ARHGAP15: variants seen among roughly 807,000 people sequenced by gnomAD.
The protein encoded by ARHGAP15 is rho GTPase-activating protein 15.
Under a neutral mutation model 63.7 loss-of-function variants are expected in ARHGAP15, and 51 were observed. That is an observed-to-expected ratio of 0.80 (90% CI 0.64 to 1.01). The LOEUF is 1.01. Ranked by LOEUF, ARHGAP15 falls within the 50% of genes least tolerant of loss-of-function variation. ARHGAP15 has a pLI of 0.00. For synonymous variants in ARHGAP15, 191 were observed against 193.8 expected (o/e 0.99, Z 0.12); for missense variants, 560 against 564.6 (o/e 0.99, Z 0.08).
chr2:143,589,924 C>T (rs1172255411), intron 11 of ARHGAP15, among the ~76,000 whole-genome samples: 2 of 152,212 alleles, frequency 1.3e-5, no homozygotes, highest in Non-Finnish European at 2.9e-5. Context: ...CTTAACAACT[C>T]AGCAAGACCG....
At chr2:143,697,078 G>A (rs1261937479) in intron 12 of ARHGAP15, among the ~76,000 whole-genome samples, 2 of 152,050 alleles carry the variant, frequency 1.3e-5, no homozygotes, top group Non-Finnish European at 2.9e-5. Context: ...TCAAGGCGGT[G>A]GTTTTTCCTT....
At chr2:143,176,652 GAA>G (rs1364195996) in intron 2 of ARHGAP15, among the ~76,000 whole-genome samples, 12 of 152,040 alleles carry the variant, frequency 7.9e-5, no homozygotes, top group Non-Finnish European at 1.6e-4. Flanking sequence ...GTTTAGAAAA[GAA>G]AAAAGAGTAT....
chr2:143,558,475 A>G (rs1293951727), intron 11 of ARHGAP15, among the ~76,000 whole-genome samples: 1 of 152,168 alleles, frequency 6.6e-6, no homozygotes, highest in Non-Finnish European at 1.5e-5. Flanking sequence ...TATAAGACCC[A>G]TAGATTTAAT....
At chr2:143,695,315 A>G (rs1261929977) in intron 12 of ARHGAP15, among the ~76,000 whole-genome samples, 1 of 152,132 alleles carries the variant, frequency 6.6e-6, no homozygotes, top group Non-Finnish European at 1.5e-5. Context: ...AGGTTACAGA[A>G]ATGTACTTGG....
chr2:143,203,169 C>T (rs1475259859), intron 3 of ARHGAP15, among the ~76,000 whole-genome samples: 6 of 152,094 alleles, frequency 3.9e-5, no homozygotes, highest in African/African-American at 1.4e-4. Flanking sequence ...ATGTCCCATC[C>T]TTAGCACCAA....
chr2:143,530,294 T>C (rs949989441), intron 10 of ARHGAP15, among the ~76,000 whole-genome samples: 1 of 152,112 alleles, frequency 6.6e-6, no homozygotes, highest in Non-Finnish European at 1.5e-5. Context: ...TGTAGACCAG[T>C]ATGACATACC....
At chr2:143,591,448 A>G (rs1203761486) in intron 11 of ARHGAP15, among the ~76,000 whole-genome samples, 4 of 152,136 alleles carry the variant, frequency 2.6e-5, no homozygotes, top group African/African-American at 7.2e-5. Flanking sequence ...ACAGCCTTGA[A>G]TTGGTTAAAA....
chr2:143,537,784 TTGTAG>T (rs1483205266), intron 10 of ARHGAP15, among the ~76,000 whole-genome samples: 1 of 152,180 alleles, frequency 6.6e-6, no homozygotes, highest in Non-Finnish European at 1.5e-5. Context: ...TACTGTAGCC[TTGTAG>T]TGTAGTTTGA....
intron 12 of ARHGAP15, among the ~76,000 whole-genome samples, chr2:143,630,283 A>G (rs1437443470): frequency 6.6e-6 from 1 of 152,116 alleles, no homozygotes; most frequent in Non-Finnish European, 1.5e-5. Flanking sequence ...TCTATGATCA[A>G]TTGCTCAATA....
At chr2:143,235,642 A>G (rs1030171845) in intron 5 of ARHGAP15, among the ~76,000 whole-genome samples, 11 of 152,218 alleles carry the variant, frequency 7.2e-5, no homozygotes, top group African/African-American at 1.9e-4. Flanking sequence ...TAAAAGAGCC[A>G]GGCCTATTGT....
chr2:143,652,201 T>C (rs1254719442), intron 12 of ARHGAP15, among the ~76,000 whole-genome samples: 3 of 152,024 alleles, frequency 2.0e-5, no homozygotes, highest in African/African-American at 7.2e-5. Context: ...GGGTCAGCAA[T>C]TATATTTTTC....
intron 13 of ARHGAP15, among the ~76,000 whole-genome samples, chr2:143,744,775 T>C (rs1231919933): frequency 6.6e-6 from 1 of 152,206 alleles, no homozygotes; most frequent in African/African-American, 2.4e-5. Flanking sequence ...CTGTCTTCAA[T>C]ATCCACCTAC....
intron 11 of ARHGAP15, among the ~76,000 whole-genome samples, chr2:143,563,259 G>C (rs370856747): frequency 6.6e-6 from 1 of 152,204 alleles, no homozygotes; most frequent in East Asian, 1.9e-4. Flanking sequence ...AAGATGACAA[G>C]TAGATAGATG....
chr2:143,667,287 G>A (rs1395126968), intron 12 of ARHGAP15, among the ~76,000 whole-genome samples: 108 of 149,594 alleles, frequency 7.2e-4, no homozygotes, highest in African/African-American at 2.5e-3. Flanking sequence ...GGATGAAATT[G>A]GAAATCATCA....
chr2:143,595,155 G>T (rs763047584), intron 11 of ARHGAP15, among the ~76,000 whole-genome samples: 1 of 151,986 alleles, frequency 6.6e-6, no homozygotes, highest in African/African-American at 2.4e-5. Context: ...ATACTTATTC[G>T]AACATTGTTT....
chr2:143,376,461 G>A (rs1273807943), intron 6 of ARHGAP15, among the ~76,000 whole-genome samples: 7 of 152,092 alleles, frequency 4.6e-5, no homozygotes, highest in Admixed American at 6.6e-5. Context: ...TGTAGAAAAC[G>A]AAGCTTCCAA....
intron 13 of ARHGAP15, among the ~76,000 whole-genome samples, chr2:143,706,251 T>G (rs529674835): frequency 6.6e-6 from 1 of 152,284 alleles, no homozygotes; most frequent in East Asian, 1.9e-4. Context: ...GAAGACTAAA[T>G]AAGAAGATTG....
Position 143,142,687 on chromosome 2 carries a change from T to G in ARHGAP15, c.-14-12790T>G, listed in dbSNP as rs1482715189. On this transcript the variant is annotated intron_variant, in intron 1 of 13. Coordinates refer to ENST00000295095, the MANE Select transcript of ARHGAP15 (RefSeq NM_018460.4). ...ATACCTTGTGTTGTGATAGTAACAG[T>G]GGCAACCATTTAAATACACATACAT... Among the ~76,000 whole-genome samples, 3 of 152,180 alleles carry G rather than the reference T, an allele frequency of 2.0e-5. No individual in the cohort carries two copies. In the East Asian group the frequency reaches 5.8e-4, roughly 30 times the overall value.
chr2:143,604,334 A>G (rs931172934), intron 11 of ARHGAP15, among the ~76,000 whole-genome samples: 11 of 152,166 alleles, frequency 7.2e-5, no homozygotes, highest in African/African-American at 2.4e-4. Context: ...GAATCACATG[A>G]ACCAGCCTGA....
Sources: allele counts gnomAD v4.1 joint callset (sites outside exome capture counted in the v4.1 genomes callset), GRCh38; gene constraint gnomAD v4.1.1; transcripts MANE v1.5; gene names NCBI Gene and HGNC (gene_info 2026-07-23, HGNC 2026-07-21).